Variants in TYW1B observed in about 807,000 individuals in gnomAD.
TYW1B encodes the protein tRNA-yW synthesizing protein 1 homolog B, also known as S-adenosyl-L-methionine-dependent tRNA 4-demethylwyosine synthase TYW1B.
Under a neutral mutation model 86.9 loss-of-function variants are expected in TYW1B, and 73 were observed. The ratio of observed to expected loss-of-function variants is 0.84; its 90% CI spans 0.70 to 1.02. The LOEUF (loss-of-function observed/expected upper bound fraction) is 1.02, where lower values mean the gene tolerates loss of function less well. Ranked by LOEUF, TYW1B falls within the 50% of genes least tolerant of loss-of-function variation. TYW1B has a pLI of 0.00. For synonymous variants in TYW1B, 248 were observed against 292.8 expected (o/e 0.85, Z 1.56); for missense variants, 637 against 827.4 (o/e 0.77, Z 2.82).
At chr7:72,664,325 AT>A (rs1554444927) in intron 11 of TYW1B, among the ~76,000 whole-genome samples, 4 of 150,132 alleles carry the variant, frequency 2.7e-5, no homozygotes. Context: ...CCATAGGCTT[AT>A]TTTGCTGTTT....
chr7:72,590,145 G>T (rs55759008), intron 13 of TYW1B, among the ~76,000 whole-genome samples: 4,814 of 152,276 alleles, frequency 0.032, 100 homozygotes, highest in Non-Finnish European at 0.05. Flanking sequence ...GAACTCTGGA[G>T]TCTATTGAAG....
chr7:72,589,215 T>C (rs112418020), intron 13 of TYW1B, among the ~76,000 whole-genome samples: 10 of 152,362 alleles, frequency 6.6e-5, no homozygotes, highest in African/African-American at 2.4e-4. Flanking sequence ...AGTTATGGCA[T>C]GTGTAGTGCT....
intron 3 of TYW1B, among the ~76,000 whole-genome samples, chr7:72,811,900 C>T (rs570928357): frequency 1.9e-4 from 23 of 117,978 alleles, no homozygotes; most frequent in East Asian, 1.6e-3. Context: ...GCCTGGGCAA[C>T]GAAGCGAAGA....
chr7:72,762,019 GATCT>G (rs1787693233), intron 7 of TYW1B, among the ~76,000 whole-genome samples: 1 of 151,936 alleles, frequency 6.6e-6, no homozygotes, highest in Non-Finnish European at 1.5e-5. Context: ...TCTAAAAACT[GATCT>G]ATTATGCTAA....
chr7:72,819,521 C>T (rs1357536538), intron 2 of TYW1B, among the ~76,000 whole-genome samples: 5 of 152,176 alleles, frequency 3.3e-5, no homozygotes, highest in African/African-American at 9.6e-5. Flanking sequence ...CAGCCTTGAC[C>T]TCCTGGGCTC....
chr7:72,745,851 GGTGTGTGTGTGTGTGTGTGT>G (rs1162824267), intron 7 of TYW1B, among the ~76,000 whole-genome samples: 1 of 75,068 alleles, frequency 1.3e-5, no homozygotes, highest in African/African-American at 3.2e-5. Context: ...CGTGTATAGG[GGTGTGTGTGTGTGTGTGTGT>G]GTGTGTGTGT....
At chr7:72,734,328 C>A (rs1196310196) in intron 8 of TYW1B, among the ~76,000 whole-genome samples, 3 of 146,282 alleles carry the variant, frequency 2.1e-5, no homozygotes, top group Admixed American at 6.9e-5. Flanking sequence ...GATATAAGAA[C>A]AGACACATCG....
At chr7:72,788,567 G>C (rs1276345196) in intron 6 of TYW1B, among the ~76,000 whole-genome samples, 5 of 151,716 alleles carry the variant, frequency 3.3e-5, no homozygotes, top group Admixed American at 6.6e-5. Flanking sequence ...GAGTCTTGCT[G>C]TGTTGCCCAG....
At chr7:72,672,473 A>AACACACACACACAC (rs57744814) in intron 11 of TYW1B, among the ~76,000 whole-genome samples, 5,050 of 140,792 alleles carry the variant, frequency 0.036, 132 homozygotes, top group East Asian at 0.052. Flanking sequence ...TACACACACA[A>AACACACACACACAC]ACACACACAC....
At chr7:72,738,217 A>T (rs1325134244) in intron 8 of TYW1B, among the ~76,000 whole-genome samples, 2 of 151,376 alleles carry the variant, frequency 1.3e-5, no homozygotes, top group Non-Finnish European at 2.9e-5. Context: ...AGTAGCTGGG[A>T]TTACAGGCGC....
At chr7:72,800,707 CAAAAA>C (rs60686482) in intron 6 of TYW1B, among the ~76,000 whole-genome samples, 4 of 127,926 alleles carry the variant, frequency 3.1e-5, no homozygotes, top group Non-Finnish European at 4.9e-5. Flanking sequence ...CTCGAAAAGT[CAAAAA>C]AAAAAAAAAA....
intron 11 of TYW1B, among the ~76,000 whole-genome samples, chr7:72,693,054 A>G (rs1229417296): frequency 1.1e-4 from 16 of 152,104 alleles, no homozygotes; most frequent in African/African-American, 3.9e-4. Flanking sequence ...GATGTCTAAC[A>G]AGCAGATCTC....
chr7:72,615,492 G>A (rs1467687491), intron 13 of TYW1B, among the ~76,000 whole-genome samples: 2 of 152,120 alleles, frequency 1.3e-5, no homozygotes, highest in African/African-American at 4.8e-5. Flanking sequence ...TCCTAGGCTT[G>A]ACTTGATTTC....
chr7:72,793,192 C>A (rs1453081568), intron 6 of TYW1B, among the ~76,000 whole-genome samples: 1 of 151,898 alleles, frequency 6.6e-6, no homozygotes, highest in Non-Finnish European at 1.5e-5. Flanking sequence ...AATACAATAG[C>A]CAGGTGTGGT....
At chr7:72,743,832 G>A (rs1383557877) in intron 8 of TYW1B, among the ~76,000 whole-genome samples, 7 of 137,860 alleles carry the variant, frequency 5.1e-5, no homozygotes, top group Non-Finnish European at 9.1e-5. Flanking sequence ...CAACAAGAGC[G>A]AAACTCCATC....
chr7:72,576,128 T>C (rs1475433606), intron 13 of TYW1B, among the ~76,000 whole-genome samples: 5 of 152,244 alleles, frequency 3.3e-5, no homozygotes, highest in Non-Finnish European at 7.3e-5. Context: ...CTTTTTAGAC[T>C]CAACTTGGCT....
intron 11 of TYW1B, among the ~76,000 whole-genome samples, chr7:72,632,281 ACGTGT>A (rs1201793351): frequency 3.3e-5 from 2 of 61,180 alleles, no homozygotes; most frequent in African/African-American, 2.6e-4. Flanking sequence ...ATATATATAT[ACGTGT>A]ATATATATAT....
chr7:72,694,354 G>GT (rs1258683244), intron 11 of TYW1B, among the ~76,000 whole-genome samples: 3 of 152,152 alleles, frequency 2.0e-5, no homozygotes, highest in Non-Finnish European at 4.4e-5. Flanking sequence ...TCCGGGTTGG[G>GT]TATCTATGGG....
Position 72,810,489 on chromosome 7 carries a change from A to C in TYW1B, c.414T>G (p.Tyr138Ter), listed in dbSNP as rs781790848. 6.2e-7 allele frequency: 1 copy of C among 1,613,518 alleles called. No individual in the cohort carries two copies. Among genetic ancestry groups the C allele is most frequent in the East Asian group, 2.2e-5 (1 of 44,872 alleles). The change falls in exon 4 of 14, where the codon TAT becomes TAG. Residue 138 changes from tyrosine (Y) to a stop codon, truncating the protein, a stop_gained. Coordinates refer to ENST00000620995, the MANE Select transcript of TYW1B (RefSeq NM_001145440.3). LOFTEE classifies it high-confidence loss of function. Reference sequence around the variant, plus strand: ...GACCTACCTTGTTGAAGTGGCTAGCATAGGCAGAATTTCCCAGGCCAAATA... The same window carrying C: ...GACCTACCTTGTTGAAGTGGCTAGCCTAGGCAGAATTTCCCAGGCCAAATA... Reference protein sequence around the residue: ...DAVFGLGNSAYASHFNKVGKN... With the variant: ...DAVFGLGNSA
Sources: gnomAD v4.1 joint callset for allele counts (sites outside exome capture counted in the v4.1 genomes callset) on GRCh38, gnomAD v4.1.1 for gene constraint, MANE v1.5 for transcripts, NCBI Gene and HGNC (gene_info 2026-07-23, HGNC 2026-07-21) for gene names.